USP24: variants seen among roughly 807,000 people sequenced by gnomAD.
The protein encoded by USP24 is ubiquitin carboxyl-terminal hydrolase 24.
USP24 carries 97 observed loss-of-function variants against 361.6 expected under a neutral mutation model. The observed-to-expected ratio is 0.27, with a 90% CI of 0.23 to 0.32. The LOEUF (loss-of-function observed/expected upper bound fraction) is 0.32, where lower values mean the gene tolerates loss of function less well. USP24 is among the 10% of genes least tolerant of loss of function. USP24 has a pLI of 1.00. For missense variants in USP24, 2,353 were observed against 3,165.6 expected (o/e 0.74, Z 6.16); for synonymous variants, 1,098 against 1,124.6 (o/e 0.98, Z 0.47).
At chr1:55,138,759 T>A in intron 25 of USP24, 41 bp from the exon 26 acceptor site, 2 of 1,451,890 alleles carry the variant, frequency 1.4e-6, no homozygotes, top group Non-Finnish European at 1.9e-6. Flanking sequence ...ACAGCACCAC[T>A]GATAAACACA....
In USP24 at chr1:55,148,552, G is replaced by T. The variant is rs1200078851; in HGVS notation, c.1879C>A (p.Pro627Thr). The change falls in exon 17 of 68, where the codon CCC (proline) becomes ACC (threonine). Residue 627 changes from proline to threonine, a missense_variant. Pro to Thr is a conservative substitution (Grantham distance 38). This residue lies in a region of USP24 where 386 missense variants were observed against 560.5 expected (regional missense o/e 0.69). Coordinates refer to ENST00000294383, the MANE Select transcript of USP24 (RefSeq NM_015306.3). ...GCTGGTACCACCCATACAAACTGGG[G>T]ATTATTAAGCTGAGATGACTAGAGT... is the stretch of plus-strand genomic sequence containing the variant. ...DGFKSSQLNNPQFVWVVPALR... is the reference protein window; with the variant it reads ...DGFKSSQLNNTQFVWVVPALR... 3.2e-6 allele frequency: 5 copies of T among 1,587,058 alleles called. No homozygotes were observed. Among genetic ancestry groups the T allele is most frequent in the Non-Finnish European group, 4.3e-6 (5 of 1,165,426 alleles).
At chr1:55,145,933 T>C in intron 20 of USP24, 65 bp downstream of exon 20, 1 of 1,181,678 alleles carries the variant, frequency 8.5e-7, no homozygotes, top group Non-Finnish European at 1.2e-6. Context: ...GGATTAAAAG[T>C]AAAGGAAAGA....
chr1:55,179,443 T>A (rs1643898809), intron 1 of USP24, among the ~76,000 whole-genome samples: 1 of 152,218 alleles, frequency 6.6e-6, no homozygotes, highest in Admixed American at 6.5e-5. Context: ...GACTCATACA[T>A]TTCTATCTCC....
intron 43 of USP24, among the ~76,000 whole-genome samples, 164 bp from the exon 44 acceptor site, chr1:55,101,128 T>G (rs1191788559): frequency 1.3e-5 from 2 of 152,186 alleles, no homozygotes; most frequent in Non-Finnish European, 2.9e-5. Flanking sequence ...TCCTAGCTGG[T>G]GTAATTATGA....
intron 1 of USP24, among the ~76,000 whole-genome samples, chr1:55,214,327 C>A (rs1253637760): frequency 6.6e-6 from 1 of 152,016 alleles, no homozygotes; most frequent in African/African-American, 2.4e-5. Flanking sequence ...GAGCCTGGTG[C>A]CTCCGCCAAT....
chr1:55,128,319 C>T (rs1247596070), intron 32 of USP24, among the ~76,000 whole-genome samples: 2 of 152,172 alleles, frequency 1.3e-5, no homozygotes, highest in African/African-American at 4.8e-5. Context: ...TTCACTGCTG[C>T]CAGAGTAATT....
intron 1 of USP24, among the ~76,000 whole-genome samples, chr1:55,194,006 A>C (rs1024045434): frequency 2.0e-5 from 3 of 152,324 alleles, no homozygotes; most frequent in African/African-American, 7.2e-5. Flanking sequence ...GTAGCATAGC[A>C]TGGCCTCAAA....
At chr1:55,104,798 C>T (rs1290257988) in intron 41 of USP24, among the ~76,000 whole-genome samples, 1 of 152,184 alleles carries the variant, frequency 6.6e-6, no homozygotes, top group Non-Finnish European at 1.5e-5. Context: ...GGCCATGGAG[C>T]TGGCACTGTC....
chr1:55,169,196 T>G (rs1649201394), intron 5 of USP24, among the ~76,000 whole-genome samples: 1 of 151,984 alleles, frequency 6.6e-6, no homozygotes, highest in Admixed American at 6.6e-5. Context: ...ATAAACAAGT[T>G]AAACAGCAAA....
chr1:55,171,771 T>G (rs1187157213), intron 4 of USP24, 93 bp from the exon 5 acceptor site: 9 of 1,351,422 alleles, frequency 6.7e-6, no homozygotes, highest in Non-Finnish European at 8.1e-6. Flanking sequence ...AGCCTTTGAC[T>G]CCCCTCATTA....
chr1:55,121,527 A>G (rs1395293593), intron 36 of USP24, 21 bp from the exon 37 acceptor site: 13 of 1,604,056 alleles, frequency 8.1e-6, no homozygotes, highest in East Asian at 2.2e-5. Flanking sequence ...GAAATGGGGG[A>G]TGTGGGTGTG....
At chr1:55,194,819 AGTTG>A (rs1418671433) in intron 1 of USP24, among the ~76,000 whole-genome samples, 1 of 152,098 alleles carries the variant, frequency 6.6e-6, no homozygotes, top group African/African-American at 2.4e-5. Flanking sequence ...CGTCCCAGCC[AGTTG>A]GTCACATCAC....
intron 1 of USP24, among the ~76,000 whole-genome samples, chr1:55,192,706 T>G (rs531643100): frequency 2.9e-4 from 44 of 152,366 alleles, no homozygotes; most frequent in South Asian, 2.1e-3. Flanking sequence ...TATATGCAGA[T>G]CTGATATTCC....
At chr1:55,177,379 C>T (rs1364143032) in intron 2 of USP24, among the ~76,000 whole-genome samples, 1 of 151,830 alleles carries the variant, frequency 6.6e-6, no homozygotes, top group African/African-American at 2.4e-5. Context: ...TTTTTCAGAC[C>T]CACTGCCTAG....
chr1:55,119,437 T>C (rs1324152831), intron 38 of USP24, among the ~76,000 whole-genome samples: 1 of 152,150 alleles, frequency 6.6e-6, no homozygotes, highest in Non-Finnish European at 1.5e-5. Context: ...GGAGTTATTG[T>C]TCAATGAGTA....
Position 55,214,935 on chromosome 1 carries a change from C to A in USP24, c.179G>T (p.Gly60Val), listed in dbSNP as rs976604691. ...YGGYEPMDSG[G>V]GPSPGPGGGP... ...CCCGCCGGGCCCGGGGCTGGGGCCACCGCCGCTGTCCATGGGCTCGTAGCC... is the reference window on the plus strand; with the variant it reads ...CCCGCCGGGCCCGGGGCTGGGGCCAACGCCGCTGTCCATGGGCTCGTAGCC... Residue 60 changes from glycine to valine, a missense_variant, in exon 1 of 68, where the codon GGT becomes GTT. By Grantham distance (109) the Gly-to-Val change is moderately radical. This residue lies in a region of USP24 where 253 missense variants were observed against 255.3 expected (regional missense o/e 0.99). Transcript: ENST00000294383. 2 of 1,379,088 alleles carry A rather than the reference C, an allele frequency of 1.5e-6. No individual in the cohort carries two copies. Among genetic ancestry groups the A allele is most frequent in the African/African-American group, 3.0e-5 (2 of 66,624 alleles). The allele number at this position is 1,379,088 out of a possible 1,614,324, so 85.4% of individuals were successfully genotyped here.
Position 55,078,590 on chromosome 1 carries a change from T to C in USP24, c.7262A>G (p.Tyr2421Cys). The part of the protein sequence containing the change: ...SLLALIEMVV[Y>C]CCFCNEHFSF... ...AAAATGCTCATTACAGAAACAGCAG[T>C]ACACTACCATCTCAATGAGTGCCAA... Residue 2421 changes from tyrosine (Y) to cysteine (C), a missense_variant, in exon 61 of 68, where the codon TAC becomes TGC. Transcript: ENST00000294383. 1.2e-6 allele frequency: 2 copies of C among 1,612,362 alleles called. No homozygotes were observed. Among genetic ancestry groups the C allele is most frequent in the Non-Finnish European group, 1.7e-6 (2 of 1,179,444 alleles).
chr1:55,171,424 T>C (rs958560098), intron 5 of USP24, 132 bp downstream of exon 5: 1 of 1,153,940 alleles, frequency 8.7e-7, no homozygotes, highest in African/African-American at 1.6e-5. Context: ...GGCAATTTTA[T>C]GAGCCAGATG....
intron 59 of USP24, 106 bp from the exon 60 acceptor site, chr1:55,079,765 T>G (rs1444801014): frequency 7.1e-7 from 1 of 1,413,622 alleles, no homozygotes; most frequent in Non-Finnish European, 9.3e-7. Flanking sequence ...GCACACACAC[T>G]GAGTACTCTC....
Sources: allele counts gnomAD v4.1 joint callset (sites outside exome capture counted in the v4.1 genomes callset), GRCh38; gene constraint gnomAD v4.1.1; regional missense constraint gnomAD v4.1.1; transcripts MANE v1.5; gene names NCBI Gene and HGNC (gene_info 2026-07-23, HGNC 2026-07-21).